LRPPRC: variants seen among roughly 807,000 people sequenced by gnomAD.
LRPPRC encodes leucine rich pentatricopeptide repeat containing, also known as leucine-rich PPR motif-containing protein, mitochondrial.
Under a neutral mutation model 180.3 loss-of-function variants are expected in LRPPRC, and 120 were observed. That is an observed-to-expected ratio of 0.67 (90% confidence interval 0.57 to 0.77). The LOEUF is 0.77. LRPPRC is among the 30% of genes least tolerant of loss of function. The pLI is 0.00. For synonymous variants in LRPPRC, 723 were observed against 600.0 expected, an observed-to-expected ratio of 1.21 and a Z score of -3.00; for missense variants, 2,012 against 1,657.2, an observed-to-expected ratio of 1.21 and a Z score of -3.72.
chr2:43,901,615 A>C, intron 31 of LRPPRC, 91 bp from the exon 32 acceptor site: 1 of 779,958 alleles, frequency 1.3e-6, no homozygotes. Context: ...ATGAGCACCA[A>C]ATGGCCATAA....
intron 31 of LRPPRC, among the ~76,000 whole-genome samples, chr2:43,905,109 A>C (rs758463024): frequency 2.1e-4 from 32 of 152,208 alleles, no homozygotes; most frequent in Non-Finnish European, 3.8e-4. Flanking sequence ...CTTAACATTA[A>C]TTTGAAAACT....
At chr2:43,907,704 A>G (rs948200618) in intron 30 of LRPPRC, among the ~76,000 whole-genome samples, 1 of 152,242 alleles carries the variant, frequency 6.6e-6, no homozygotes, top group East Asian at 1.9e-4. Context: ...TAGAACTGTC[A>G]AAATGAAGGG....
Position 43,887,240 on chromosome 2 carries a change from A to G in LRPPRC, c.*1360T>C, listed in dbSNP as rs1302582299. ...CTCAAGGGAAAGCCGCACTATGTCCACTGGGCCAAGACTCAACGTTGGCCA... is the reference window on the plus strand; with the variant it reads ...CTCAAGGGAAAGCCGCACTATGTCCGCTGGGCCAAGACTCAACGTTGGCCA... On this transcript the variant is annotated 3_prime_UTR_variant, in exon 38 of 38. Coordinates refer to ENST00000260665, the MANE Select transcript of LRPPRC (RefSeq NM_133259.4). 6.6e-6 allele frequency: 1 copy of G among 150,596 alleles called. No individual in the cohort carries two copies. The highest frequency in any genetic ancestry group is 2.0e-4 in the East Asian group (1 of 5,096). 9.3% of individuals were successfully genotyped at this position (150,596 alleles called of 1,614,324 possible). A position where few individuals can be genotyped will look rare whatever the true frequency, so the allele number is the denominator to read the frequency against.
chr2:43,940,344 T>G lies in LRPPRC; in HGVS notation c.2504+3343A>C, dbSNP rs552636708. 9.8e-5 allele frequency among the ~76,000 whole-genome samples: 15 copies of G among 152,292 alleles called. No homozygotes were observed. In the South Asian group the frequency reaches 2.7e-3, roughly 27 times the overall value. ...TTGAAGGGGAGCATGTGTAACAGAA[T>G]CATCAACATTTTAAAAAGCCTATTT... On this transcript the variant is annotated intron_variant, in intron 23 of 37. Transcript: ENST00000260665.
chr2:43,959,531 A>AC, intron 13 of LRPPRC, among the ~76,000 whole-genome samples: 1 of 152,200 alleles, frequency 6.6e-6, no homozygotes, highest in Non-Finnish European at 1.5e-5. Context: ...TATTTTTCAG[A>AC]AGATCTGAAA....
chr2:43,912,706 G>A lies in LRPPRC; in HGVS notation c.3149-148C>T. 6.4e-6 allele frequency: 4 copies of A among 629,252 alleles called. No individual in the cohort carries two copies. In the South Asian group the frequency reaches 7.3e-5, roughly 11 times the overall value. The allele number at this position is 629,252 out of a possible 1,614,324, so 39.0% of individuals were successfully genotyped here. On this transcript the variant is annotated intron_variant, in intron 29 of 37. Coordinates refer to ENST00000260665, the MANE Select transcript of LRPPRC (RefSeq NM_133259.4). ...TTACCACTCTATAGAGAGACACACTGACATAATTCTTCAAATATTTTAAAG... is the reference window on the plus strand; with the variant it reads ...TTACCACTCTATAGAGAGACACACTAACATAATTCTTCAAATATTTTAAAG...
At chr2:43,923,824 T>C (rs1346066102) in intron 27 of LRPPRC, among the ~76,000 whole-genome samples, 1 of 152,104 alleles carries the variant, frequency 6.6e-6, no homozygotes, top group African/African-American at 2.4e-5. Context: ...TAGAATTTCA[T>C]CATGAAATTG....
intron 14 of LRPPRC, among the ~76,000 whole-genome samples, chr2:43,955,036 G>C (rs1016019254): frequency 6.6e-6 from 1 of 152,108 alleles, no homozygotes; most frequent in Admixed American, 6.5e-5. Flanking sequence ...TGGCTTCCAC[G>C]ATACGGGTTT....
At chr2:43,955,787 G>C (rs1440245657) in intron 14 of LRPPRC, among the ~76,000 whole-genome samples, 1 of 152,064 alleles carries the variant, frequency 6.6e-6, no homozygotes. Flanking sequence ...GATTCAACAA[G>C]GATTACCAAT....
intron 21 of LRPPRC, 152 bp downstream of exon 21, chr2:43,945,961 A>G (rs1672665919): frequency 1.3e-6 from 1 of 744,768 alleles, no homozygotes; most frequent in Non-Finnish European, 2.3e-6. Context: ...TTAATTAAAG[A>G]GCCGTATAAT....
At chr2:43,967,138 C>T (rs1269847555) in intron 11 of LRPPRC, among the ~76,000 whole-genome samples, 1 of 152,152 alleles carries the variant, frequency 6.6e-6, no homozygotes. Context: ...ATGGCTCATG[C>T]TTGTAATCCC....
chr2:43,945,180 T>C (rs1467886303), intron 22 of LRPPRC, 152 bp downstream of exon 22: 2 of 639,186 alleles, frequency 3.1e-6, no homozygotes, highest in East Asian at 5.6e-5. Flanking sequence ...TGGCCTACAC[T>C]GTCCATGTAG....
At chr2:43,909,027 C>G (rs534313483) in intron 30 of LRPPRC, among the ~76,000 whole-genome samples, 2 of 152,322 alleles carry the variant, frequency 1.3e-5, no homozygotes, top group African/African-American at 4.8e-5. Context: ...ACTCTGATCA[C>G]TGATACAGAA....
At chr2:43,957,990 T>C (rs4347883) in intron 13 of LRPPRC, among the ~76,000 whole-genome samples, 50,835 of 152,150 alleles carry the variant, frequency 0.33, 9,572 homozygotes, top group Non-Finnish European at 0.44. Context: ...CATACGTCCG[T>C]TATGTAATTG....
At chr2:43,948,323 G>T in intron 17 of LRPPRC, 89 bp downstream of exon 17, 1 of 928,228 alleles carries the variant, frequency 1.1e-6, no homozygotes, top group Non-Finnish European at 1.8e-6. Context: ...TTGAGAAGTG[G>T]TCTGGTTGTA....
chr2:43,918,808 TAG>T (rs1243390730), intron 27 of LRPPRC, among the ~76,000 whole-genome samples: 21 of 132,364 alleles, frequency 1.6e-4, no homozygotes, highest in South Asian at 6.8e-4. Context: ...TATATATATA[TAG>T]ATATATATAT....
intron 13 of LRPPRC, 125 bp from the exon 14 acceptor site, chr2:43,957,576 A>G: frequency 1.4e-6 from 1 of 733,614 alleles, no homozygotes; most frequent in Non-Finnish European, 2.4e-6. Flanking sequence ...GTATTTAAAA[A>G]ATAAAAATGT....
intron 23 of LRPPRC, among the ~76,000 whole-genome samples, chr2:43,936,524 G>A (rs918157580): frequency 3.3e-5 from 5 of 152,184 alleles, no homozygotes; most frequent in Admixed American, 1.3e-4. Flanking sequence ...TATACTTCCT[G>A]TTAAAGCCTT....
intron 30 of LRPPRC, among the ~76,000 whole-genome samples, chr2:43,907,111 C>G (rs1033300389): frequency 1.3e-5 from 2 of 152,186 alleles, no homozygotes; most frequent in South Asian, 2.1e-4. Flanking sequence ...TTCATTAAAA[C>G]CACAAGGCAA....
Sources: allele counts gnomAD v4.1 joint callset (sites outside exome capture counted in the v4.1 genomes callset), GRCh38; gene constraint gnomAD v4.1.1; transcripts MANE v1.5; gene names NCBI Gene and HGNC (gene_info 2026-07-23, HGNC 2026-07-21).